Variants in CALN1 observed in about 807,000 individuals in gnomAD.
CALN1 encodes calcium-binding protein 8.
A neutral mutation model predicts 30.6 loss-of-function variants in CALN1; 17 were observed. That is an observed-to-expected ratio of 0.56 (90% CI 0.38 to 0.83). CALN1 has a LOEUF of 0.83. Among genes scored for constraint, CALN1 ranks in the 40% least tolerant of loss-of-function variants. The probability of loss-of-function intolerance (pLI) is 0.00; values close to 1 mark genes in which losing one functional copy is unlikely to be tolerated. For missense variants in CALN1, 291 were observed against 354.9 expected (o/e 0.82, Z 1.45); for synonymous variants, 156 against 131.4 (o/e 1.19, Z -1.28).
At position 71,786,792 on chromosome 7, in the gene CALN1, A is replaced by G. The variant is rs923567689; in HGVS notation, c.*983T>C. 1 of 152,154 alleles carries G rather than the reference A, an allele frequency of 6.6e-6. No individual in the cohort carries two copies. The highest frequency in any genetic ancestry group is 2.4e-5 in the African/African-American group (1 of 41,412). The allele number at this position is 152,154 out of a possible 1,614,324, so 9.4% of individuals were successfully genotyped here. Reference sequence around the variant, plus strand: ...ACGTGGTGGGTCTCCATGACTCCAGATGGCTGGGTGTGGGTATCAAAACCT... The same window carrying G: ...ACGTGGTGGGTCTCCATGACTCCAGGTGGCTGGGTGTGGGTATCAAAACCT... On this transcript the variant is annotated 3_prime_UTR_variant, in exon 7 of 7. Transcript: ENST00000395275.
intron 3 of CALN1, among the ~76,000 whole-genome samples, chr7:72,216,790 C>T (rs558078224): frequency 3.0e-4 from 46 of 152,306 alleles, no homozygotes; most frequent in African/African-American, 1.1e-3. Flanking sequence ...CTTGCTCTGT[C>T]ACCCAGGCTG....
At chr7:72,148,088 TAATAAAAAAA>T (rs1210885796) in intron 3 of CALN1, among the ~76,000 whole-genome samples, 20 of 87,276 alleles carry the variant, frequency 2.3e-4, no homozygotes, top group African/African-American at 9.0e-4. Context: ...ACTTAAAGTA[TAATAAAAAAA>T]AATAAAAAAA....
At chr7:72,286,492 GA>G (rs759205293) in intron 2 of CALN1, among the ~76,000 whole-genome samples, 9 of 152,172 alleles carry the variant, frequency 5.9e-5, no homozygotes, top group Non-Finnish European at 1.2e-4. Flanking sequence ...TTCTGATTAA[GA>G]AAAAACTGCA....
At chr7:71,971,949 A>AAAAAAAAAGAAAG (rs1797834585) in intron 5 of CALN1, among the ~76,000 whole-genome samples, 1 of 81,034 alleles carries the variant, frequency 1.2e-5, no homozygotes, top group African/African-American at 7.9e-5. Context: ...AAAAAAAAAA[A>AAAAAAAAAGAAAG]AAAAAAAGAA....
chr7:72,285,016 T>C (rs1797991054), intron 2 of CALN1, among the ~76,000 whole-genome samples: 1 of 152,108 alleles, frequency 6.6e-6, no homozygotes, highest in Admixed American at 6.5e-5. Context: ...CTGTGTGTTC[T>C]GCAGGGCTTC....
At chr7:72,249,381 G>C (rs1795395372) in intron 3 of CALN1, among the ~76,000 whole-genome samples, 2 of 152,222 alleles carry the variant, frequency 1.3e-5, no homozygotes. Context: ...GTGAGGTCAA[G>C]AAGTCAGGGC....
Position 72,411,561 on chromosome 7 carries a change from A to C in CALN1, c.-74+497T>G, listed in dbSNP as rs117932436. ...TCACTGAAAAGACGTCAAGGTAATA[A>C]AACTCAGGCAATGAGCACTCAAATT... On this transcript the variant is annotated intron_variant, in intron 1 of 6. Transcript: ENST00000395275. Among the ~76,000 whole-genome samples the C allele has an allele frequency of 2.2e-4, 33 of 152,358 alleles. No individual in the cohort carries two copies. In the East Asian group the frequency reaches 5.2e-3, roughly 24 times the overall value.
At chr7:72,328,196 C>T (rs1021321004) in intron 2 of CALN1, among the ~76,000 whole-genome samples, 8 of 152,110 alleles carry the variant, frequency 5.3e-5, no homozygotes, top group African/African-American at 1.9e-4. Context: ...CTTGTCAAAA[C>T]ATGTAATACA....
chr7:72,284,660 T>C (rs1264460602), intron 2 of CALN1, among the ~76,000 whole-genome samples: 2 of 152,194 alleles, frequency 1.3e-5, no homozygotes, highest in South Asian at 2.1e-4. Flanking sequence ...CTGGAGCTTT[T>C]CACTATCTGA....
In CALN1 at chr7:72,403,413, C is replaced by CA. The variant is rs1562951463; in HGVS notation, c.-45dup. 3 of 1,473,028 alleles carry CA rather than the reference C, an allele frequency of 2.0e-6. No individual in the cohort carries two copies. Among genetic ancestry groups the CA allele is most frequent in the Admixed American group, 4.2e-5 (2 of 47,930 alleles). The allele number at this position is 1,473,028 out of a possible 1,614,324, so 91.2% of individuals were successfully genotyped here. Reference sequence around the variant, plus strand: ...TTCTCAGAGAGAGTTAGAAGCTCATCAAAGGAACGTCAGCGAAGGCACTGA... The same window carrying CA: ...TTCTCAGAGAGAGTTAGAAGCTCATCAAAAGGAACGTCAGCGAAGGCACTGA... On this transcript the variant is annotated 5_prime_UTR_variant, in exon 2 of 7. Transcript: ENST00000395275.
chr7:72,222,522 T>G (rs1793381545), intron 3 of CALN1, among the ~76,000 whole-genome samples: 1 of 152,076 alleles, frequency 6.6e-6, no homozygotes, highest in Non-Finnish European at 1.5e-5. Context: ...TCACAAGAAG[T>G]TTGCCCCCAT....
Position 72,373,968 on chromosome 7 carries a change from A to C in CALN1, c.119+29283T>G, listed in dbSNP as rs960339795. Among the ~76,000 whole-genome samples, 11 of 152,324 alleles carry C rather than the reference A, an allele frequency of 7.2e-5. No homozygotes were observed. In the Middle Eastern group the frequency reaches 0.01, roughly 141 times the overall value. On this transcript the variant is annotated intron_variant, in intron 2 of 6. Coordinates refer to ENST00000395275, the MANE Select transcript of CALN1 (RefSeq NM_031468.4). ...CAGATGGAAGTGGAAAAATATTTTG[A>C]AAGTGCTGAAAGGAAAGAATATTAA...
intron 5 of CALN1, among the ~76,000 whole-genome samples, chr7:71,915,377 C>G (rs967767220): frequency 2.0e-5 from 3 of 152,166 alleles, no homozygotes; most frequent in Admixed American, 6.5e-5. Flanking sequence ...TCACATCAGG[C>G]TCTGAAACCA....
intron 3 of CALN1, among the ~76,000 whole-genome samples, chr7:72,115,484 C>CTTTTTT (rs71069026): frequency 6.2e-5 from 5 of 80,598 alleles, no homozygotes; most frequent in African/African-American, 1.7e-4. Context: ...CATATACATT[C>CTTTTTT]TTTTTTTTTT....
intron 5 of CALN1, among the ~76,000 whole-genome samples, chr7:71,882,303 T>C (rs1392857668): frequency 6.6e-6 from 1 of 152,220 alleles, no homozygotes; most frequent in Admixed American, 6.5e-5. Flanking sequence ...CTGGCCCTCC[T>C]GCCTTCCTCT....
chr7:72,380,922 T>G (rs1365011240), intron 2 of CALN1, among the ~76,000 whole-genome samples: 3 of 152,024 alleles, frequency 2.0e-5, no homozygotes, highest in Non-Finnish European at 4.4e-5. Flanking sequence ...ATGGCCTTTG[T>G]GAGACTGGGG....
At chr7:72,120,388 T>G (rs1203436455) in intron 3 of CALN1, among the ~76,000 whole-genome samples, 1 of 152,188 alleles carries the variant, frequency 6.6e-6, no homozygotes, top group African/African-American at 2.4e-5. Flanking sequence ...AAACAGCATT[T>G]TTGATGGTTG....
At chr7:72,000,736 C>A (rs1452585302) in intron 5 of CALN1, among the ~76,000 whole-genome samples, 3 of 152,132 alleles carry the variant, frequency 2.0e-5, no homozygotes, top group Non-Finnish European at 4.4e-5. Flanking sequence ...AACAAACAAA[C>A]AAACAAAAAT....
intron 5 of CALN1, among the ~76,000 whole-genome samples, chr7:71,978,262 CTTTTT>C (rs1010635078): frequency 0.044 from 3,183 of 72,840 alleles, 68 homozygotes; most frequent in African/African-American, 0.13. Context: ...CTAGAGAATT[CTTTTT>C]TTTTTTTTTT....
Sources: gnomAD v4.1 joint callset for allele counts (sites outside exome capture counted in the v4.1 genomes callset) on GRCh38, gnomAD v4.1.1 for gene constraint, MANE v1.5 for transcripts, NCBI Gene and HGNC (gene_info 2026-07-23, HGNC 2026-07-21) for gene names.